PTBP3: variants seen among roughly 807,000 people sequenced by gnomAD.
The protein encoded by PTBP3 is polypyrimidine tract binding protein 3.
Under a neutral mutation model 58.7 loss-of-function variants are expected in PTBP3, and 20 were observed. The ratio of observed to expected loss-of-function variants is 0.34; its 90% CI spans 0.24 to 0.50. PTBP3 has a LOEUF of 0.50. Ranked by LOEUF, PTBP3 falls within the 20% of genes least tolerant of loss-of-function variation. The probability of loss-of-function intolerance (pLI) is 0.98; values close to 1 mark genes in which losing one functional copy is unlikely to be tolerated. For missense variants in PTBP3, 509 were observed against 637.2 expected (o/e 0.80, Z 2.17); for synonymous variants, 185 against 219.8 (o/e 0.84, Z 1.40).
intron 7 of PTBP3, 24 bp downstream of exon 7, chr9:112,250,905 G>A: frequency 6.8e-7 from 1 of 1,475,274 alleles, no homozygotes; most frequent in African/African-American, 1.4e-5. Context: ...AACTTGCTTT[G>A]TGACCCAAAA....
the PTBP3 span, among the ~76,000 whole-genome samples, chr9:112,365,373 TGA>T: frequency 6.6e-6 from 1 of 152,238 alleles, no homozygotes; most frequent in African/African-American, 2.4e-5. Flanking sequence ...GCTGTTCTCA[TGA>T]GAGTGAATAA....
intron 2 of PTBP3, among the ~76,000 whole-genome samples, chr9:112,287,498 G>A (rs908714748): frequency 4.6e-5 from 7 of 151,730 alleles, no homozygotes; most frequent in African/African-American, 7.3e-5. Flanking sequence ...ACACCACCAC[G>A]CCCGGCTAAT....
chr9:112,311,804 C>T (rs188358151), intron 1 of PTBP3, among the ~76,000 whole-genome samples: 8 of 152,126 alleles, frequency 5.3e-5, no homozygotes, highest in Non-Finnish European at 1.0e-4. Flanking sequence ...TTTAATTAGC[C>T]GGGTGTGGTG....
chr9:112,325,380 G>A (rs1305614492), intron 1 of PTBP3, among the ~76,000 whole-genome samples: 2 of 152,162 alleles, frequency 1.3e-5, no homozygotes, highest in African/African-American at 2.4e-5. Context: ...AGGCTAGGGA[G>A]TGTGGTGGCC....
intron 1 of PTBP3, among the ~76,000 whole-genome samples, chr9:112,322,359 G>A (rs1171376497): frequency 6.6e-6 from 1 of 152,164 alleles, no homozygotes; most frequent in East Asian, 1.9e-4. Context: ...GAAAAAAACT[G>A]TGAAACACTT....
chr9:112,290,701 T>TACACACACAC lies in PTBP3; in HGVS notation c.34+7130_34+7131insGTGTGTGTGT, dbSNP rs1376874308. On this transcript the variant is annotated intron_variant, in intron 2 of 13. Coordinates refer to ENST00000374257, the MANE Select transcript of PTBP3 (RefSeq NM_001163788.4). ...AAAAAAAAAAAAATATATATATATA[T>TACACACACAC]ATATATACACACACACACACACACA... Among the ~76,000 whole-genome samples, 581 of 64,744 alleles carry TACACACACAC rather than the reference T, an allele frequency of 9.0e-3. 2 individuals carry two copies. Among genetic ancestry groups the TACACACACAC allele is most frequent in the African/African-American group, 0.016 (156 of 9,782 alleles). The allele number at this position is 64,744 out of a possible 152,430, so 42.5% of individuals were successfully genotyped here.
rs189194958 is a variant in PTBP3, at chr9:112,303,441, G to C, written c.-51-5525C>G. Among the ~76,000 whole-genome samples the C allele has an allele frequency of 1.6e-4, 25 of 152,240 alleles. No homozygotes were observed. In the East Asian group the frequency reaches 4.1e-3, roughly 25 times the overall value. On this transcript the variant is annotated intron_variant, in intron 1 of 13. Transcript: ENST00000374257. ...AATATGTACACAAAGTTAGTTCTCA[G>C]ATACCTTGAGGTCTCTTATTTGTGC...
Position 112,223,252 on chromosome 9 carries a change from A to G in PTBP3, c.*599T>C, listed in dbSNP as rs764003208. On this transcript the variant is annotated 3_prime_UTR_variant, in exon 14 of 14. Coordinates refer to ENST00000374257, the MANE Select transcript of PTBP3 (RefSeq NM_001163788.4). ...TTAAAGGAGTGTCTTACAGTGAAAA[A>G]AAGAAATCATTCAAAGAAAACATGC... The G allele has an allele frequency of 1.8e-4, 170 of 943,356 alleles. No individual in the cohort carries two copies. Among genetic ancestry groups the G allele is most frequent in the Non-Finnish European group, 2.1e-4 (167 of 791,434 alleles). 58.4% of individuals were successfully genotyped at this position (943,356 alleles called of 1,614,324 possible). A position where few individuals can be genotyped will look rare whatever the true frequency, so the allele number is the denominator to read the frequency against.
chr9:112,373,380 C>T, the PTBP3 span, among the ~76,000 whole-genome samples: 9 of 152,272 alleles, frequency 5.9e-5, no homozygotes, highest in South Asian at 2.1e-4. Flanking sequence ...CCATTCTAAC[C>T]TTTTCACATT....
intron 2 of PTBP3, among the ~76,000 whole-genome samples, chr9:112,284,606 G>C (rs1292571900): frequency 2.0e-5 from 3 of 152,176 alleles, no homozygotes; most frequent in Non-Finnish European, 4.4e-5. Flanking sequence ...TGAGGTGGGA[G>C]AATCACTTGA....
chr9:112,246,634 A>G (rs913686840), intron 7 of PTBP3, among the ~76,000 whole-genome samples: 2 of 151,016 alleles, frequency 1.3e-5, no homozygotes, highest in Admixed American at 6.6e-5. Flanking sequence ...CGGAGCTAGC[A>G]GTGAGCCGAG....
At chr9:112,322,399 C>T (rs1829992312) in intron 1 of PTBP3, among the ~76,000 whole-genome samples, 1 of 152,178 alleles carries the variant, frequency 6.6e-6, no homozygotes, top group African/African-American at 2.4e-5. Flanking sequence ...GGCACAGACA[C>T]AGGCCTGGGG....
chr9:112,341,171 G>T, the PTBP3 span, among the ~76,000 whole-genome samples: 2 of 151,942 alleles, frequency 1.3e-5, no homozygotes, highest in African/African-American at 4.8e-5. Flanking sequence ...GTCTCAAGTC[G>T]CCCAGACTAG....
intron 1 of PTBP3, among the ~76,000 whole-genome samples, chr9:112,331,690 A>G (rs761454955): frequency 1.3e-5 from 2 of 152,244 alleles, no homozygotes; most frequent in Non-Finnish European, 2.9e-5. Context: ...TGAACTTCCA[A>G]ATGAACTTAC....
chr9:112,275,238 C>T (rs1021236145), intron 3 of PTBP3, among the ~76,000 whole-genome samples: 4 of 152,062 alleles, frequency 2.6e-5, no homozygotes, highest in African/African-American at 9.6e-5. Context: ...CAGGTTCAAG[C>T]GATTCTCCTG....
intron 2 of PTBP3, among the ~76,000 whole-genome samples, chr9:112,297,333 T>A (rs1026458480): frequency 1.2e-4 from 19 of 152,200 alleles, no homozygotes; most frequent in Non-Finnish European, 1.3e-4. Flanking sequence ...GCCTCCCAAG[T>A]AGCTGGGATT....
the PTBP3 span, among the ~76,000 whole-genome samples, chr9:112,374,759 T>A: frequency 6.6e-6 from 1 of 152,164 alleles, no homozygotes; most frequent in Non-Finnish European, 1.5e-5. Flanking sequence ...AGTCCATGGA[T>A]GGTAGTCTTG....
the PTBP3 span, among the ~76,000 whole-genome samples, chr9:112,356,804 A>G: frequency 1.3e-5 from 2 of 149,574 alleles, no homozygotes; most frequent in Admixed American, 6.6e-5. Context: ...GCGCACACAC[A>G]CACACACACA....
Position 112,275,995 on chromosome 9 carries a change from T to C in PTBP3, c.53A>G (p.Lys18Arg). 1 of 1,612,424 alleles carries C rather than the reference T, an allele frequency of 6.2e-7. No homozygotes were observed. Among genetic ancestry groups the C allele is most frequent in the South Asian group, 1.1e-5 (1 of 90,730 alleles). Residue 18 changes from lysine (K) to arginine (R), a missense_variant, in exon 3 of 14, where the codon AAG (lysine) becomes AGG (arginine). This residue lies in a region of PTBP3 where 212 missense variants were observed against 215.3 expected (regional missense o/e 0.98). Coordinates refer to ENST00000374257, the MANE Select transcript of PTBP3 (RefSeq NM_001163788.4). ...GGGAGGTCTATCTCGTTTAAATTTC[T>C]TGCTGTCATTCCCATTAGCTAAAAA... Reference protein sequence around the residue: ...TGVYANGNDSKKFKRDRPPCS... With the variant: ...TGVYANGNDSRKFKRDRPPCS...
Sources: allele counts gnomAD v4.1 joint callset (sites outside exome capture counted in the v4.1 genomes callset), GRCh38; gene constraint gnomAD v4.1.1; regional missense constraint gnomAD v4.1.1; transcripts MANE v1.5; gene names NCBI Gene and HGNC (gene_info 2026-07-23, HGNC 2026-07-21).